Variants in RLN2 observed in about 807,000 individuals in gnomAD.
The protein encoded by RLN2 is relaxin 2.
Under a neutral mutation model 7.3 loss-of-function variants are expected in RLN2, and 10 were observed. The observed-to-expected ratio is 1.36, with a 90% CI of 0.84 to 2.31. The LOEUF (loss-of-function observed/expected upper bound fraction) is 2.31, where lower values mean the gene tolerates loss of function less well. RLN2 is among the 30% of genes most tolerant of loss of function. The pLI, the probability that RLN2 is intolerant of heterozygous loss-of-function variation, is 0.00. For synonymous variants in RLN2, 103 were observed against 82.3 expected (o/e 1.25, Z -1.36); for missense variants, 298 against 217.6 (o/e 1.37, Z -2.32).
At chr9:5,323,089 G>GC in the RLN2 span, among the ~76,000 whole-genome samples, 1 of 151,524 alleles carries the variant, frequency 6.6e-6, no homozygotes, top group African/African-American at 2.4e-5. Context: ...TGCATAGCAA[G>GC]GTAACCTTTA....
chr9:5,314,957 C>T, the RLN2 span, among the ~76,000 whole-genome samples: 4 of 151,820 alleles, frequency 2.6e-5, no homozygotes, highest in African/African-American at 9.7e-5. Context: ...CAATGCTATG[C>T]CATGCCTTCC....
chr9:5,308,793 G>C (rs1044665284), upstream of RLN2, among the ~76,000 whole-genome samples: 7 of 152,094 alleles, frequency 4.6e-5, no homozygotes, highest in African/African-American at 1.7e-4. Context: ...AAGAGAGCCA[G>C]ACACAGTTCC....
the RLN2 span, among the ~76,000 whole-genome samples, chr9:5,336,233 A>G: frequency 6.6e-6 from 1 of 152,070 alleles, no homozygotes; most frequent in Non-Finnish European, 1.5e-5. Flanking sequence ...TTTATATGAA[A>G]GAGAGAAGTG....
the RLN2 span, among the ~76,000 whole-genome samples, chr9:5,313,618 A>G: frequency 2.0e-5 from 3 of 152,030 alleles, no homozygotes; most frequent in Non-Finnish European, 2.9e-5. Flanking sequence ...TGATACATGC[A>G]TACATTGTGA....
chr9:5,308,108 G>C (rs1308289562), upstream of RLN2, among the ~76,000 whole-genome samples: 1 of 151,480 alleles, frequency 6.6e-6, no homozygotes, highest in Non-Finnish European at 1.5e-5. Flanking sequence ...TTTTATTCAA[G>C]CCTCCAGTGC....
the RLN2 span, among the ~76,000 whole-genome samples, chr9:5,323,282 T>G: frequency 6.6e-6 from 1 of 151,934 alleles, no homozygotes; most frequent in African/African-American, 2.4e-5. Flanking sequence ...ATTAAATGTT[T>G]TTTTCTCCTT....
the RLN2 span, among the ~76,000 whole-genome samples, chr9:5,316,853 C>T: frequency 6.6e-6 from 1 of 151,936 alleles, no homozygotes; most frequent in Non-Finnish European, 1.5e-5. Flanking sequence ...GTTCTAGATC[C>T]TTGAGGAGTC....
chr9:5,330,776 A>G, the RLN2 span, among the ~76,000 whole-genome samples: 1 of 151,522 alleles, frequency 6.6e-6, no homozygotes, highest in Admixed American at 6.6e-5. Context: ...CAAAAAAAAA[A>G]AAAAAACCTT....
the RLN2 span, among the ~76,000 whole-genome samples, chr9:5,315,575 G>C: frequency 1.3e-5 from 2 of 151,962 alleles, no homozygotes; most frequent in Non-Finnish European, 2.9e-5. Context: ...AAAGAGATTT[G>C]AACATCCAGA....
At chr9:5,323,872 C>A in the RLN2 span, among the ~76,000 whole-genome samples, 15 of 151,852 alleles carry the variant, frequency 9.9e-5, no homozygotes. Context: ...CATGGCTAAA[C>A]TGCGTGTCTA....
the RLN2 span, among the ~76,000 whole-genome samples, chr9:5,324,269 A>G: frequency 6.6e-6 from 1 of 152,046 alleles, no homozygotes. Flanking sequence ...AGATTTTCCA[A>G]GAGAGGAAAA....
chr9:5,315,674 CAA>C, the RLN2 span, among the ~76,000 whole-genome samples: 2 of 151,956 alleles, frequency 1.3e-5, no homozygotes, highest in African/African-American at 4.8e-5. Flanking sequence ...AAGCCGAAGA[CAA>C]AGAGAATTTC....
At chr9:5,320,962 G>A in the RLN2 span, among the ~76,000 whole-genome samples, 7 of 152,116 alleles carry the variant, frequency 4.6e-5, no homozygotes, top group African/African-American at 1.4e-4. Context: ...TCAAAATTAG[G>A]CAGCACTTCA....
chr9:5,314,521 T>C, the RLN2 span, among the ~76,000 whole-genome samples: 2 of 152,006 alleles, frequency 1.3e-5, 1 homozygote, highest in Non-Finnish European at 2.9e-5. Context: ...CCCAATCAGT[T>C]GCACATCTCA....
chr9:5,301,118 T>C lies in RLN2; in HGVS notation c.212-674A>G, dbSNP rs115306619. 1.4e-3 allele frequency among the ~76,000 whole-genome samples: 207 copies of C among 152,308 alleles called. 1 individual carries two copies. Among genetic ancestry groups the C allele is most frequent in the African/African-American group, 4.7e-3 (196 of 41,564 alleles). On this transcript the variant is annotated intron_variant, in intron 1 of 1. Coordinates refer to ENST00000381627, the MANE Select transcript of RLN2 (RefSeq NM_134441.3). ...AGAACACTAACCAAAAATCACTGAT[T>C]TAAGAAGAGATTTGTATCTGCTGTG... is the stretch of plus-strand genomic sequence containing the variant.
upstream of RLN2, among the ~76,000 whole-genome samples, chr9:5,308,461 C>T (rs1169820897): frequency 6.6e-6 from 1 of 151,964 alleles, no homozygotes; most frequent in Non-Finnish European, 1.5e-5. Context: ...TAAGATGTCA[C>T]TGTTTGCTTT....
the RLN2 span, chr9:5,311,806 T>C: frequency 1.5e-6 from 1 of 670,454 alleles, no homozygotes; most frequent in Admixed American, 2.5e-5. Context: ...AATGCAGAAT[T>C]TTTTTTTTTA....
At chr9:5,317,870 A>C in the RLN2 span, among the ~76,000 whole-genome samples, 1 of 152,060 alleles carries the variant, frequency 6.6e-6, no homozygotes, top group East Asian at 1.9e-4. Context: ...GAATAGCAAA[A>C]ATTTTCAACT....
chr9:5,326,610 G>T, the RLN2 span, among the ~76,000 whole-genome samples: 3 of 152,132 alleles, frequency 2.0e-5, no homozygotes, highest in East Asian at 3.9e-4. Context: ...GGGGACAAGG[G>T]GGGAGGGCAT....
Sources: allele counts gnomAD v4.1 joint callset (sites outside exome capture counted in the v4.1 genomes callset), GRCh38; gene constraint gnomAD v4.1.1; transcripts MANE v1.5; gene names NCBI Gene and HGNC (gene_info 2026-07-23, HGNC 2026-07-21).